The following MMP20 variants were observed in gnomAD, a reference collection of about 807,000 sequenced individuals.
MMP20 encodes matrix metalloproteinase-20.
A neutral mutation model predicts 51.8 loss-of-function variants in MMP20; 50 were observed. That is an observed-to-expected ratio of 0.97 (90% CI 0.77 to 1.22). The LOEUF is 1.22. Ranked by LOEUF, MMP20 falls within the 50% of genes most tolerant of loss-of-function variation. The probability of loss-of-function intolerance (pLI) is 0.00; values close to 1 mark genes in which losing one functional copy is unlikely to be tolerated. For missense variants in MMP20, 663 were observed against 601.4 expected (o/e 1.10, Z -1.07); for synonymous variants, 244 against 216.2 (o/e 1.13, Z -1.13).
At chr11:102,621,024 GCCCA>G (rs1169123922) in intron 1 of MMP20, among the ~76,000 whole-genome samples, 1 of 152,218 alleles carries the variant, frequency 6.6e-6, no homozygotes, top group Non-Finnish European at 1.5e-5. Flanking sequence ...TGCGTGGCTG[GCCCA>G]CCCTTCAGGG....
At chr11:102,618,888 T>C (rs1328145447) in intron 1 of MMP20, among the ~76,000 whole-genome samples, 4 of 152,132 alleles carry the variant, frequency 2.6e-5, no homozygotes, top group Non-Finnish European at 1.5e-5. Context: ...GGGTACGCTA[T>C]TTTTTCACTG....
At chr11:102,594,297 G>A (rs1859353278) in intron 7 of MMP20, among the ~76,000 whole-genome samples, 2 of 152,168 alleles carry the variant, frequency 1.3e-5, no homozygotes, top group African/African-American at 4.8e-5. Context: ...ATTTATTAAA[G>A]GATGTCAGTA....
chr11:102,600,197 C>T (rs1253644992), intron 6 of MMP20, among the ~76,000 whole-genome samples: 1 of 152,206 alleles, frequency 6.6e-6, no homozygotes, highest in African/African-American at 2.4e-5. Context: ...AGGAGGAAGA[C>T]TTCCTCCTGT....
chr11:102,606,516 T>C lies in MMP20; in HGVS notation c.953+19A>G, dbSNP rs751881766. 3.1e-6 allele frequency: 5 copies of C among 1,613,536 alleles called. No individual in the cohort carries two copies. Among genetic ancestry groups the C allele is most frequent in the Non-Finnish European group, 4.2e-6 (5 of 1,179,768 alleles). ...GGAGATGAGGCCCAATGAGAGTCGG[T>C]GGCGTGTCTGAGGCTTACCGGTCCT... is the stretch of plus-strand genomic sequence containing the variant. On this transcript the variant is annotated intron_variant, in intron 6 of 9. Coordinates refer to ENST00000260228, the MANE Select transcript of MMP20 (RefSeq NM_004771.4).
In MMP20 at chr11:102,585,083, T is replaced by C. The variant is rs189504326; in HGVS notation, c.1248-5941A>G. Among the ~76,000 whole-genome samples the C allele has an allele frequency of 4.5e-4, 68 of 152,264 alleles. 1 individual carries two copies. The highest frequency in any genetic ancestry group is 1.5e-3 in the African/African-American group (62 of 41,584). ...CCTCCAACTTTGTTCTTTTTAAAGATATTTTGGCTATTCTAGGCCCGTGAG... is the reference window on the plus strand; with the variant it reads ...CCTCCAACTTTGTTCTTTTTAAAGACATTTTGGCTATTCTAGGCCCGTGAG... On this transcript the variant is annotated intron_variant, in intron 8 of 9. Transcript: ENST00000260228.
chr11:102,577,754 G>A (rs750394157), intron 9 of MMP20, among the ~76,000 whole-genome samples: 3 of 152,118 alleles, frequency 2.0e-5, no homozygotes, highest in Admixed American at 6.5e-5. Flanking sequence ...TTAAGCCTCC[G>A]GCCAATCTTC....
intron 1 of MMP20, among the ~76,000 whole-genome samples, chr11:102,618,966 C>G (rs1046011299): frequency 1.3e-5 from 2 of 152,076 alleles, no homozygotes; most frequent in Non-Finnish European, 2.9e-5. Context: ...ATTGTTGTCC[C>G]TTGTAAAAAC....
At chr11:102,596,311 A>G (rs2135935108) in intron 6 of MMP20, among the ~76,000 whole-genome samples, 1 of 152,354 alleles carries the variant, frequency 6.6e-6, no homozygotes, top group Non-Finnish European at 1.5e-5. Context: ...AAGAGGCATC[A>G]TGGTGCAGAA....
At position 102,609,033 on chromosome 11, in the gene MMP20, C is replaced by T. The variant is rs1367793053; in HGVS notation, c.715G>A (p.Asp239Asn). Reference sequence around the variant, plus strand: ...GTTGGGTACATCAGTGCTGATGGGTCTGTGGAATGGGCCAGGCCCAGGGCA... The same window carrying T: ...GTTGGGTACATCAGTGCTGATGGGTTTGTGGAATGGGCCAGGCCCAGGGCA... The part of the protein sequence containing the change: ...GHALGLAHST[D>N]PSALMYPTYK... The change falls in exon 5 of 10, where the codon GAC becomes AAC. Residue 239 changes from aspartate to asparagine, a missense_variant. Asp to Asn is a conservative substitution (Grantham distance 23). Transcript: ENST00000260228. 2.5e-6 allele frequency: 4 copies of T among 1,613,998 alleles called. No individual in the cohort carries two copies. The highest frequency in any genetic ancestry group is 1.1e-5 in the South Asian group (1 of 91,070).
intron 6 of MMP20, among the ~76,000 whole-genome samples, chr11:102,595,129 A>G (rs902833327): frequency 2.0e-5 from 3 of 151,912 alleles, no homozygotes; most frequent in Admixed American, 6.6e-5. Context: ...ACTTCACCAC[A>G]TTGGCCAGGC....
At chr11:102,593,176 G>T (rs1333420041) in intron 8 of MMP20, among the ~76,000 whole-genome samples, 1 of 152,128 alleles carries the variant, frequency 6.6e-6, no homozygotes, top group African/African-American at 2.4e-5. Context: ...CTAGGTGTCC[G>T]GTTAATGAGT....
intron 3 of MMP20, among the ~76,000 whole-genome samples, chr11:102,610,543 C>G (rs1259888706): frequency 1.3e-5 from 2 of 152,096 alleles, no homozygotes; most frequent in African/African-American, 4.8e-5. Context: ...TCAAAAATCT[C>G]TCTGTAATTT....
At position 102,599,629 on chromosome 11, in the gene MMP20, T is replaced by C. The variant is rs542633469; in HGVS notation, c.954-4872A>G. Among the ~76,000 whole-genome samples the C allele has an allele frequency of 3.3e-5, 5 of 152,348 alleles. No homozygotes were observed. The South Asian group carries it at 6.2e-4, about 19-fold the overall frequency. ...ACTCCACAAATTTATTAATAGATGA[T>C]ATGCAGAATATAAACTTAGAGTTTA... is the stretch of plus-strand genomic sequence containing the variant. On this transcript the variant is annotated intron_variant, in intron 6 of 9. Transcript: ENST00000260228.
chr11:102,586,783 C>T (rs1859259887), intron 8 of MMP20, among the ~76,000 whole-genome samples: 1 of 151,900 alleles, frequency 6.6e-6, no homozygotes, highest in Admixed American at 6.6e-5. Flanking sequence ...TGCCACTGTA[C>T]TCCAGCCTGG....
chr11:102,599,636 A>T (rs1034616460), intron 6 of MMP20, among the ~76,000 whole-genome samples: 1 of 152,234 alleles, frequency 6.6e-6, no homozygotes, highest in African/African-American at 2.4e-5. Flanking sequence ...TGATATGCAG[A>T]ATATAAACTT....
At position 102,613,410 on chromosome 11, in the gene MMP20, A is replaced by G. The variant is rs17099030; in HGVS notation, c.375-1507T>C. Among the ~76,000 whole-genome samples, 1,027 of 152,344 alleles carry G rather than the reference A, an allele frequency of 6.7e-3. 16 individuals carry two copies. Among genetic ancestry groups the G allele is most frequent in the African/African-American group, 0.023 (977 of 41,580 alleles). ...TAGCTCCTAGTTTAGTGCCTTGCAC[A>G]TAGCAGATGCTTAGCAATTGCTTGA... is the stretch of plus-strand genomic sequence containing the variant. On this transcript the variant is annotated intron_variant, in intron 2 of 9. Coordinates refer to ENST00000260228, the MANE Select transcript of MMP20 (RefSeq NM_004771.4).
At chr11:102,601,125 C>CTTATT (rs1859440467) in intron 6 of MMP20, among the ~76,000 whole-genome samples, 1 of 28,252 alleles carries the variant, frequency 3.5e-5, no homozygotes, top group Non-Finnish European at 6.1e-5. Flanking sequence ...GTCGGCTATT[C>CTTATT]TTTTTTTTTT....
intron 6 of MMP20, among the ~76,000 whole-genome samples, chr11:102,600,078 A>G (rs540119376): frequency 6.6e-6 from 1 of 152,282 alleles, no homozygotes; most frequent in East Asian, 1.9e-4. Context: ...CTTTATCTGA[A>G]TTCTTAATAG....
At chr11:102,606,457 A>G (rs1360734240) in intron 6 of MMP20, 78 bp downstream of exon 6, 2 of 1,580,762 alleles carry the variant, frequency 1.3e-6, no homozygotes, top group Non-Finnish European at 1.7e-6. Flanking sequence ...CAAGGCAGCA[A>G]CAAGGACCTG....
Sources: gnomAD v4.1 joint callset for allele counts (sites outside exome capture counted in the v4.1 genomes callset) on GRCh38, gnomAD v4.1.1 for gene constraint, MANE v1.5 for transcripts, NCBI Gene and HGNC (gene_info 2026-07-23, HGNC 2026-07-21) for gene names.